Variants in KLHL24 observed in about 807,000 individuals in gnomAD.
KLHL24 encodes kelch like family member 24, also known as kelch-like protein 24.
In KLHL24, 29 loss-of-function variants were observed where a neutral mutation model predicts 53.4. The observed-to-expected ratio is 0.54, with a 90% CI of 0.40 to 0.74. The LOEUF (loss-of-function observed/expected upper bound fraction) is 0.74, where lower values mean the gene tolerates loss of function less well. Ranked by LOEUF, KLHL24 falls within the 30% of genes least tolerant of loss-of-function variation. The pLI is 0.00. For synonymous variants in KLHL24, 222 were observed against 253.7 expected, an observed-to-expected ratio of 0.88 and a Z score of 1.19; for missense variants, 504 against 744.0, an observed-to-expected ratio of 0.68 and a Z score of 3.75.
At chr3:183,674,290 TCTTTCTTTCTTTC>T (rs1227849315) in intron 7 of KLHL24, among the ~76,000 whole-genome samples, 3 of 150,974 alleles carry the variant, frequency 2.0e-5, no homozygotes, top group African/African-American at 7.3e-5. Context: ...TTTCTTTCTT[TCTTTCTTTCTTTC>T]CTTTCTTCCT....
At chr3:183,652,223 T>C (rs1226168228) in intron 3 of KLHL24, among the ~76,000 whole-genome samples, 6 of 152,224 alleles carry the variant, frequency 3.9e-5, no homozygotes, top group Non-Finnish European at 4.4e-5. Flanking sequence ...TTAAATATTG[T>C]AGCATATTTG....
intron 1 of KLHL24, among the ~76,000 whole-genome samples, chr3:183,642,561 T>G (rs1716596097): frequency 6.8e-6 from 1 of 147,356 alleles, no homozygotes; most frequent in South Asian, 2.1e-4. Context: ...AGCTCAAGGT[T>G]CTGGTATTTT....
intron 1 of KLHL24, among the ~76,000 whole-genome samples, chr3:183,636,905 C>A (rs1199534297): frequency 1.3e-5 from 2 of 152,124 alleles, no homozygotes; most frequent in Admixed American, 6.5e-5. Context: ...CCTGATCCTG[C>A]AGGCAGTTCT....
intron 7 of KLHL24, among the ~76,000 whole-genome samples, chr3:183,677,878 G>A (rs763303478): frequency 2.6e-5 from 4 of 152,112 alleles, no homozygotes; most frequent in Admixed American, 1.3e-4. Context: ...TGCAACCTCC[G>A]CCTCCCGGGT....
At chr3:183,644,546 G>T (rs1275146743) in intron 2 of KLHL24, among the ~76,000 whole-genome samples, 1 of 152,160 alleles carries the variant, frequency 6.6e-6, no homozygotes, top group East Asian at 1.9e-4. Flanking sequence ...TGAAGACTTT[G>T]TAATACAAGG....
At chr3:183,661,689 G>A (rs550283484) in intron 3 of KLHL24, among the ~76,000 whole-genome samples, 1 of 152,230 alleles carries the variant, frequency 6.6e-6, no homozygotes, top group East Asian at 1.9e-4. Context: ...TACAAAAACA[G>A]ATAACATATG....
chr3:183,673,234 A>G (rs1172822251), intron 7 of KLHL24, among the ~76,000 whole-genome samples: 1 of 152,162 alleles, frequency 6.6e-6, no homozygotes, highest in East Asian at 1.9e-4. Flanking sequence ...GTAAAATAAA[A>G]TATTTCATGT....
At position 183,681,264 on chromosome 3, in the gene KLHL24, A is replaced by G. The variant is rs553060990; in HGVS notation, c.*1978A>G. 4.6e-5 allele frequency: 7 copies of G among 152,478 alleles called. 2 individuals carry two copies. The South Asian group carries it at 1.5e-3, about 32-fold the overall frequency. The allele number at this position is 152,478 out of a possible 1,614,324, so 9.4% of individuals were successfully genotyped here. ...TTAGTTAAGAAATTCTTTACAGTAAATGAGATAATGTGTGAAAAAGTATTT... is the reference window on the plus strand; with the variant it reads ...TTAGTTAAGAAATTCTTTACAGTAAGTGAGATAATGTGTGAAAAAGTATTT... On this transcript the variant is annotated 3_prime_UTR_variant, in exon 8 of 8. Transcript: ENST00000242810.
chr3:183,660,535 G>GT (rs1404701301), intron 3 of KLHL24, among the ~76,000 whole-genome samples: 1 of 151,960 alleles, frequency 6.6e-6, no homozygotes, highest in Non-Finnish European at 1.5e-5. Context: ...CCCAACATTT[G>GT]TTTTTAATTT....
Position 183,682,980 on chromosome 3 carries a change from T to A in KLHL24, c.*3694T>A. On this transcript the variant is annotated 3_prime_UTR_variant, in exon 8 of 8. Transcript: ENST00000242810. The stretch of plus-strand genomic sequence containing the variant: ...GGAAGGGGGGAGAACGGGGTCTTGC[T>A]CTGTCGCCCAGGCTGGAGTGCAGTG... 1 of 151,170 alleles carries A rather than the reference T, an allele frequency of 6.6e-6. No individual in the cohort carries two copies. Among genetic ancestry groups the A allele is most frequent in the East Asian group, 1.9e-4 (1 of 5,142 alleles). 9.4% of individuals were successfully genotyped at this position (151,170 alleles called of 1,614,324 possible).
chr3:183,670,940 A>G lies in KLHL24; in HGVS notation c.1225-94A>G, dbSNP rs553041622. On this transcript the variant is annotated intron_variant, in intron 5 of 7. Coordinates refer to ENST00000242810, the MANE Select transcript of KLHL24 (RefSeq NM_017644.3). Reference sequence around the variant, plus strand: ...GCAATTATATTTATTTAGCAAGGGCATTTTAAAGAGAAGAGATCCCTTAAT... The same window carrying G: ...GCAATTATATTTATTTAGCAAGGGCGTTTTAAAGAGAAGAGATCCCTTAAT... 1.4e-4 allele frequency: 118 copies of G among 827,854 alleles called. No homozygotes were observed. In the African/African-American group the frequency reaches 1.7e-3, roughly 12 times the overall value. The allele number at this position is 827,854 out of a possible 1,614,324, so 51.3% of individuals were successfully genotyped here. A position where few individuals can be genotyped will look rare whatever the true frequency, so the allele number is the denominator to read the frequency against.
intron 7 of KLHL24, among the ~76,000 whole-genome samples, chr3:183,673,640 T>A (rs1721670716): frequency 6.6e-6 from 1 of 152,184 alleles, no homozygotes; most frequent in East Asian, 1.9e-4. Flanking sequence ...GATTCATGGC[T>A]CCTTTTCCTT....
Position 183,668,571 on chromosome 3 carries a change from A to C in KLHL24, c.1225-2463A>C, listed in dbSNP as rs370247247. Among the ~76,000 whole-genome samples, 33 of 152,312 alleles carry C rather than the reference A, an allele frequency of 2.2e-4. No homozygotes were observed. In the East Asian group the frequency reaches 6.2e-3, roughly 29 times the overall value. On this transcript the variant is annotated intron_variant, in intron 5 of 7. Coordinates refer to ENST00000242810, the MANE Select transcript of KLHL24 (RefSeq NM_017644.3). ...ATAGAATCTTAGGGGAGCACTCCCCAGTGTAACTTAGAAGTGTGTCTTAGG... is the reference window on the plus strand; with the variant it reads ...ATAGAATCTTAGGGGAGCACTCCCCCGTGTAACTTAGAAGTGTGTCTTAGG...
Position 183,679,468 on chromosome 3 carries a change from G to GAA in KLHL24, c.*191_*192dup. 14 of 504,992 alleles carry GAA rather than the reference G, an allele frequency of 2.8e-5. No individual in the cohort carries two copies. Among genetic ancestry groups the GAA allele is most frequent in the East Asian group, 6.7e-5 (2 of 29,978 alleles). The allele number at this position is 504,992 out of a possible 1,614,324, so 31.3% of individuals were successfully genotyped here. On this transcript the variant is annotated 3_prime_UTR_variant, in exon 8 of 8. Coordinates refer to ENST00000242810, the MANE Select transcript of KLHL24 (RefSeq NM_017644.3). ...CTATAATAAAGCCTTTCCTATAATT[G>GAA]AAAAAAAAAACTTTTTTGTTAAAGG...
At chr3:183,677,911 C>T (rs1169510894) in intron 7 of KLHL24, among the ~76,000 whole-genome samples, 2 of 152,126 alleles carry the variant, frequency 1.3e-5, no homozygotes, top group African/African-American at 2.4e-5. Flanking sequence ...CCTGCCTCAG[C>T]CTCCCGAGTA....
At chr3:183,649,036 T>G (rs1274521107) in intron 2 of KLHL24, among the ~76,000 whole-genome samples, 1 of 151,886 alleles carries the variant, frequency 6.6e-6, no homozygotes, top group Non-Finnish European at 1.5e-5. Flanking sequence ...AGAGAATTGA[T>G]GGCTATAGCC....
At chr3:183,658,856 G>A (rs979294184) in intron 3 of KLHL24, among the ~76,000 whole-genome samples, 41 of 150,732 alleles carry the variant, frequency 2.7e-4, no homozygotes, top group African/African-American at 9.8e-4. Flanking sequence ...CTGGAGTACA[G>A]TGACACAGTC....
intron 1 of KLHL24, chr3:183,636,788 A>G (rs1715312510): frequency 2.0e-5 from 3 of 151,622 alleles, no homozygotes; most frequent in Admixed American, 6.6e-5. Context: ...CTGCTTTTGC[A>G]GCTGCGGCCC....
In KLHL24 at chr3:183,663,473, T is replaced by G. The variant is rs1720087098; in HGVS notation, c.936T>G (p.Ser312=). The G allele has an allele frequency of 1.3e-6, 2 of 1,551,818 alleles. No individual in the cohort carries two copies. The highest frequency in any genetic ancestry group is 1.4e-5 in the African/African-American group (1 of 73,412). The change falls in exon 4 of 8, where the codon TCT becomes TCG. Residue 312 remains serine (S), a synonymous_variant. Transcript: ENST00000242810. The surrounding 1 kb of genome is among the most constrained non-coding windows in gnomAD (Gnocchi z 4.9). The stretch of plus-strand genomic sequence containing the variant: ...ATTATTTTAGGTCCACTGGCTATTC[T>G]GAGGTGATAGTTGTCGTTGGAGGAT... ...RTRPRRSTGY[S]EVIVVVGGCE...
Sources: gnomAD v4.1 joint callset for allele counts (sites outside exome capture counted in the v4.1 genomes callset) on GRCh38, gnomAD v4.1.1 for gene constraint, Gnocchi (gnomAD v3.1) non-coding constraint, MANE v1.5 for transcripts, NCBI Gene and HGNC (gene_info 2026-07-23, HGNC 2026-07-21) for gene names.